The following LRRC28 variants were observed in gnomAD, a reference collection of about 807,000 sequenced individuals.
LRRC28 encodes the protein leucine-rich repeat-containing protein 28.
Under a neutral mutation model 45.7 loss-of-function variants are expected in LRRC28, and 39 were observed. That is an observed-to-expected ratio of 0.85 (90% CI 0.66 to 1.12). The LOEUF (loss-of-function observed/expected upper bound fraction) is 1.12. LRRC28 is among the 50% of genes most tolerant of loss of function. LRRC28 has a pLI of 0.00. For synonymous variants in LRRC28, 206 were observed against 178.8 expected (o/e 1.15, Z -1.22); for missense variants, 435 against 438.5 (o/e 0.99, Z 0.07).
chr15:99,377,320 G>A (rs1443525494), intron 9 of LRRC28, among the ~76,000 whole-genome samples: 1 of 151,928 alleles, frequency 6.6e-6, no homozygotes, highest in East Asian at 1.9e-4. Flanking sequence ...TTTTTCATGT[G>A]TTTTTTGGCT....
chr15:99,275,290 C>T (rs117881517), intron 2 of LRRC28, among the ~76,000 whole-genome samples: 1 of 152,220 alleles, frequency 6.6e-6, no homozygotes, highest in Non-Finnish European at 1.5e-5. Flanking sequence ...CCAGCCCTTT[C>T]AGGGCTCTGA....
Position 99,255,906 on chromosome 15 carries a change from C to A in LRRC28, c.-52C>A. On this transcript the variant is annotated 5_prime_UTR_variant, in exon 2 of 10. Transcript: ENST00000301981. The stretch of plus-strand genomic sequence containing the variant: ...TCTCGTTCTCTTTATAGAAATGGAC[C>A]AATTTTGACAAGATATAGTGCTGCA... 3 of 1,520,334 alleles carry A rather than the reference C, an allele frequency of 2.0e-6. No homozygotes were observed. Among genetic ancestry groups the A allele is most frequent in the Non-Finnish European group, 1.8e-6 (2 of 1,136,242 alleles). The allele number at this position is 1,520,334 out of a possible 1,614,324, so 94.2% of individuals were successfully genotyped here.
intron 6 of LRRC28, among the ~76,000 whole-genome samples, chr15:99,340,638 G>A (rs1052444239): frequency 5.3e-5 from 8 of 152,170 alleles, no homozygotes; most frequent in African/African-American, 1.9e-4. Context: ...GGACTAATTT[G>A]CAGAATTTGT....
intron 5 of LRRC28, among the ~76,000 whole-genome samples, chr15:99,325,679 C>T (rs930583778): frequency 5.3e-5 from 8 of 152,164 alleles, no homozygotes; most frequent in Admixed American, 6.6e-5. Context: ...TTGTGAAATG[C>T]TTTATTCTTA....
chr15:99,270,728 T>C (rs2081455616), intron 2 of LRRC28, among the ~76,000 whole-genome samples: 1 of 152,232 alleles, frequency 6.6e-6, no homozygotes. Flanking sequence ...TGAATAGTGC[T>C]GCTATGAACA....
rs35435895 is a variant in LRRC28, at chr15:99,292,359, C to CTTTTTT, written c.385+4419_385+4424dup. Among the ~76,000 whole-genome samples, 194 of 133,090 alleles carry CTTTTTT rather than the reference C, an allele frequency of 1.5e-3. 2 individuals carry two copies. The highest frequency in any genetic ancestry group is 3.1e-3 in the African/African-American group (110 of 35,722). 87.3% of individuals were successfully genotyped at this position (133,090 alleles called of 152,430 possible). A position where few individuals can be genotyped will look rare whatever the true frequency, so the allele number is the denominator to read the frequency against. On this transcript the variant is annotated intron_variant, in intron 5 of 9. Transcript: ENST00000301981. ...CAGGGGGATTTATTAATCGTACAGT[C>CTTTTTT]TTTTTTTTTTTTTTTTGAAACGGAG...
chr15:99,340,409 T>A (rs12594123), intron 6 of LRRC28, among the ~76,000 whole-genome samples: 14,726 of 152,300 alleles, frequency 0.097, 1,025 homozygotes, highest in East Asian at 0.33. Context: ...TGTATTTGCT[T>A]AGAAAGTCAG....
chr15:99,258,329 A>G (rs561084658), intron 2 of LRRC28: 36 of 1,460,282 alleles, frequency 2.5e-5, no homozygotes, highest in Non-Finnish European at 3.5e-5. Flanking sequence ...TGCTGACCCA[A>G]GAGGAAACAC....
chr15:99,335,669 A>AT (rs1956298209), intron 6 of LRRC28, among the ~76,000 whole-genome samples: 2 of 151,990 alleles, frequency 1.3e-5, no homozygotes, highest in Admixed American at 1.3e-4. Context: ...CCCTGTCTCT[A>AT]AAAATTTTTT....
chr15:99,257,587 C>T (rs1487006188), intron 2 of LRRC28: 2 of 597,976 alleles, frequency 3.3e-6, no homozygotes, highest in African/African-American at 3.6e-5. Flanking sequence ...GTGGAGGTGG[C>T]TCTTGCGATC....
chr15:99,262,553 G>T (rs2081226883), intron 2 of LRRC28, among the ~76,000 whole-genome samples: 1 of 152,216 alleles, frequency 6.6e-6, no homozygotes, highest in African/African-American at 2.4e-5. Flanking sequence ...CTGCACGCCA[G>T]CCTGGACAAC....
chr15:99,290,396 G>T (rs953767963), intron 5 of LRRC28, among the ~76,000 whole-genome samples: 2 of 152,006 alleles, frequency 1.3e-5, no homozygotes, highest in Admixed American at 6.6e-5. Flanking sequence ...CACAATACAG[G>T]AATATGGTCT....
chr15:99,317,255 C>G (rs1955631492), intron 5 of LRRC28, among the ~76,000 whole-genome samples: 1 of 152,062 alleles, frequency 6.6e-6, no homozygotes, highest in Non-Finnish European at 1.5e-5. Flanking sequence ...TGATGGAATA[C>G]CTAGGGAAAA....
rs746017164 is a variant in LRRC28, at chr15:99,352,396, A to G, written c.620A>G (p.Tyr207Cys). 2.5e-6 allele frequency: 4 copies of G among 1,613,978 alleles called. No homozygotes were observed. Among genetic ancestry groups the G allele is most frequent in the Admixed American group, 1.7e-5 (1 of 60,024 alleles). ...TTAGGTCGATCTCGAGAACTACAGT[A>G]TGTATACGTGGATAACAACATTCAC... ...LDLGRSRELQ[Y>C]VYVDNNIHLK... The change falls in exon 7 of 10, where the codon TAT (tyrosine) becomes TGT (cysteine). Residue 207 changes from tyrosine to cysteine, a missense_variant. By Grantham distance (194) the Tyr-to-Cys change is radical. Coordinates refer to ENST00000301981, the MANE Select transcript of LRRC28 (RefSeq NM_144598.5).
At chr15:99,305,445 C>T (rs1955148629) in intron 5 of LRRC28, among the ~76,000 whole-genome samples, 1 of 151,972 alleles carries the variant, frequency 6.6e-6, no homozygotes, top group South Asian at 2.1e-4. Flanking sequence ...TTTTATTTTA[C>T]AGAACTAAAG....
At chr15:99,286,408 G>C (rs146488852) in intron 3 of LRRC28, among the ~76,000 whole-genome samples, 350 of 152,302 alleles carry the variant, frequency 2.3e-3, no homozygotes, top group African/African-American at 7.7e-3. Flanking sequence ...TGGGATTACA[G>C]GCGTGAGCCA....
At chr15:99,298,194 AG>A (rs2082314517) in intron 5 of LRRC28, among the ~76,000 whole-genome samples, 1 of 152,208 alleles carries the variant, frequency 6.6e-6, no homozygotes, top group Non-Finnish European at 1.5e-5. Flanking sequence ...CTATAACCCA[AG>A]TGATCCAAAT....
rs184454657 is a variant in LRRC28, at chr15:99,348,336, A to C, written c.593-4033A>C. 2.0e-5 allele frequency among the ~76,000 whole-genome samples: 3 copies of C among 152,220 alleles called. No individual in the cohort carries two copies. In the East Asian group the frequency reaches 5.8e-4, roughly 29 times the overall value. ...TGAGCTTTTGGTGTGATATCGAAAA[A>C]ATCATTGCCAAGTCCAATGTCAAGG... On this transcript the variant is annotated intron_variant, in intron 6 of 9. Coordinates refer to ENST00000301981, the MANE Select transcript of LRRC28 (RefSeq NM_144598.5).
intron 2 of LRRC28, among the ~76,000 whole-genome samples, chr15:99,263,318 CA>C (rs34133374): frequency 0.014 from 991 of 70,536 alleles, 5 homozygotes; most frequent in African/African-American, 0.031. Flanking sequence ...GACCCTGTCT[CA>C]AAAAAAAAAA....
Sources: gnomAD v4.1 joint callset for allele counts (sites outside exome capture counted in the v4.1 genomes callset) on GRCh38, gnomAD v4.1.1 for gene constraint, MANE v1.5 for transcripts, NCBI Gene and HGNC (gene_info 2026-07-23, HGNC 2026-07-21) for gene names.